The following HSCB variants were observed in gnomAD, a reference collection of about 807,000 sequenced individuals.
HSCB encodes HscB mitochondrial iron-sulfur cluster cochaperone.
In HSCB, 23 loss-of-function variants were observed where a neutral mutation model predicts 31.3. The observed-to-expected ratio is 0.74, with a 90% CI of 0.53 to 1.04. The LOEUF (loss-of-function observed/expected upper bound fraction) is 1.04. HSCB is among the 50% of genes least tolerant of loss of function. The pLI is 0.00. For missense variants in HSCB, 297 were observed against 288.1 expected, an observed-to-expected ratio of 1.03 and a Z score of -0.22; for synonymous variants, 110 against 104.5, an observed-to-expected ratio of 1.05 and a Z score of -0.32.
chr22:28,751,097 G>A, intron 4 of HSCB, 144 bp from the exon 5 acceptor site: 1 of 591,950 alleles, frequency 1.7e-6, no homozygotes, highest in Non-Finnish European at 3.0e-6. Flanking sequence ...TACACACAGA[G>A]ACAAAGGTTA....
intron 4 of HSCB, among the ~76,000 whole-genome samples, chr22:28,748,923 T>G (rs1335792307): frequency 6.6e-6 from 1 of 152,140 alleles, no homozygotes; most frequent in Admixed American, 6.6e-5. Context: ...AAGGATCACT[T>G]GAGCCCAGGA....
chr22:28,745,130 A>G (rs2054662592), intron 3 of HSCB: 1 of 156,860 alleles, frequency 6.4e-6, no homozygotes, highest in Non-Finnish European at 1.4e-5. Flanking sequence ...CTCTGTGAAT[A>G]TTACTTGCCT....
rs763970579 is a variant in HSCB, at chr22:28,742,216, T to A, written c.121T>A (p.Cys41Ser). The A allele has an allele frequency of 6.2e-7, 1 of 1,613,846 alleles. No homozygotes were observed. Among genetic ancestry groups the A allele is most frequent in the African/African-American group, 1.3e-5 (1 of 74,928 alleles). Reference protein sequence around the residue: ...ASQAGSNYPRCWNCGGPWGPG... With the variant: ...ASQAGSNYPRSWNCGGPWGPG... ...GCAGGCGGGAAGCAATTATCCCCGCTGTTGGAACTGCGGCGGCCCATGGGG... is the reference window on the plus strand; with the variant it reads ...GCAGGCGGGAAGCAATTATCCCCGCAGTTGGAACTGCGGCGGCCCATGGGG... The change falls in exon 1 of 6, where the codon TGT becomes AGT. Residue 41 changes from cysteine (C) to serine (S), a missense_variant. By Grantham distance (112) the Cys-to-Ser change is moderately radical (BLOSUM62 -1). Coordinates refer to ENST00000216027, the MANE Select transcript of HSCB (RefSeq NM_172002.5).
At chr22:28,748,748 C>T (rs920498830) in intron 4 of HSCB, among the ~76,000 whole-genome samples, 6 of 152,042 alleles carry the variant, frequency 3.9e-5, no homozygotes, top group African/African-American at 1.4e-4. Flanking sequence ...AACTCCTGAC[C>T]TCAGGTGATC....
At chr22:28,750,341 A>G (rs1423086238) in intron 4 of HSCB, among the ~76,000 whole-genome samples, 3 of 151,742 alleles carry the variant, frequency 2.0e-5, no homozygotes, top group Non-Finnish European at 4.4e-5. Flanking sequence ...ATTTAGATTA[A>G]TTCCTAAATT....
chr22:28,755,214 T>C (rs912826596), intron 5 of HSCB, among the ~76,000 whole-genome samples: 8 of 150,698 alleles, frequency 5.3e-5, no homozygotes, highest in African/African-American at 1.7e-4. Flanking sequence ...ATGGAGACCA[T>C]CCTGGCTAAC....
At chr22:28,754,185 T>C (rs1400977249) in intron 5 of HSCB, among the ~76,000 whole-genome samples, 1 of 152,092 alleles carries the variant, frequency 6.6e-6, no homozygotes, top group African/African-American at 2.4e-5. Flanking sequence ...GGATGAACCT[T>C]GAGGACATTG....
chr22:28,744,024 C>T (rs2054641633), intron 2 of HSCB, 46 bp downstream of exon 2: 1 of 1,359,360 alleles, frequency 7.4e-7, no homozygotes, highest in African/African-American at 1.4e-5. Flanking sequence ...TGTGTGCACA[C>T]TGGGTGGCAG....
chr22:28,751,008 TC>T (rs1408845959), intron 4 of HSCB, among the ~76,000 whole-genome samples: 2 of 146,832 alleles, frequency 1.4e-5, no homozygotes, highest in Non-Finnish European at 1.5e-5. Flanking sequence ...TGGTGATTGC[TC>T]CTTAGACCTT....
In HSCB at chr22:28,757,170, T is replaced by C. The variant is rs754025006; in HGVS notation, c.*1T>C. The C allele has an allele frequency of 8.5e-6, 12 of 1,413,098 alleles. No homozygotes were observed. Among genetic ancestry groups the C allele is most frequent in the Middle Eastern group, 2.1e-4 (1 of 4,722 alleles). The allele number at this position is 1,413,098 out of a possible 1,614,324, so 87.5% of individuals were successfully genotyped here. ...CAAGTTAAAGAAGATTCCCCTTTAA[T>C]TGTGGATAGTTTAAAGTTTAAAAAA... On this transcript the variant is annotated 3_prime_UTR_variant, in exon 6 of 6. Transcript: ENST00000216027.
chr22:28,742,178 G>A lies in HSCB; in HGVS notation c.83G>A (p.Cys28Tyr), dbSNP rs772493148. 1.2e-5 allele frequency: 20 copies of A among 1,613,836 alleles called. No individual in the cohort carries two copies. In the East Asian group the frequency reaches 3.8e-4, roughly 31 times the overall value. Residue 28 changes from cysteine to tyrosine, a missense_variant, in exon 1 of 6, where the codon TGC becomes TAC. Cys to Tyr is a radical substitution (Grantham distance 194). Transcript: ENST00000216027. ...TGVPRRRPLS[C>Y]DAASQAGSNY... ...GTTCCCAGAAGGAGACCGCTAAGCTGCGATGCTGCGTCGCAGGCGGGAAGC... is the reference window on the plus strand; with the variant it reads ...GTTCCCAGAAGGAGACCGCTAAGCTACGATGCTGCGTCGCAGGCGGGAAGC...
chr22:28,742,474 A>G, intron 1 of HSCB, 143 bp downstream of exon 1: 3 of 1,373,392 alleles, frequency 2.2e-6, no homozygotes, highest in Non-Finnish European at 1.9e-6. Context: ...GCGTGAGAGA[A>G]GTGTCTTGAT....
Position 28,757,337 on chromosome 22 carries a change from T to G in HSCB, c.*168T>G. 1 of 448,158 alleles carries G rather than the reference T, an allele frequency of 2.2e-6. No homozygotes were observed. The highest frequency in any genetic ancestry group is 4.2e-6 in the Non-Finnish European group (1 of 235,530). 27.8% of individuals were successfully genotyped at this position (448,158 alleles called of 1,614,324 possible). ...CCGTCTCTGCTGAAAATACAAAAAT[T>G]AGCCGGGCATGGTGGCGCGTGCCTG... On this transcript the variant is annotated 3_prime_UTR_variant, in exon 6 of 6. Coordinates refer to ENST00000216027, the MANE Select transcript of HSCB (RefSeq NM_172002.5).
At chr22:28,753,676 A>T (rs1396234504) in intron 5 of HSCB, among the ~76,000 whole-genome samples, 1 of 150,878 alleles carries the variant, frequency 6.6e-6, no homozygotes, top group Non-Finnish European at 1.5e-5. Flanking sequence ...GTCTCTACTA[A>T]ATATACAAAA....
At chr22:28,744,482 G>A (rs991166612) in intron 2 of HSCB, 133 bp from the exon 3 acceptor site, 255 of 644,576 alleles carry the variant, frequency 4.0e-4, no homozygotes, top group East Asian at 5.4e-5. Context: ...AACGTGGGAG[G>A]TGGAGGTTGC....
intron 4 of HSCB, among the ~76,000 whole-genome samples, chr22:28,746,584 C>T (rs1388413614): frequency 6.6e-6 from 1 of 151,388 alleles, no homozygotes; most frequent in African/African-American, 2.4e-5. Flanking sequence ...GAAACCCCAT[C>T]TCTAAAAAAA....
chr22:28,751,277 CT>C lies in HSCB; in HGVS notation c.609del (p.Phe203LeufsTer13), dbSNP rs1197505346. 1.3e-6 allele frequency: 2 copies of C among 1,595,700 alleles called. No individual in the cohort carries two copies. The highest frequency in any genetic ancestry group is 1.7e-5 in the Admixed American group (1 of 58,722). ...QKEFTDNVSS[A>X]FEQDDFEEAK... ...GAATTTACTGACAATGTGAGCAGTGCTTTTGAACAAGGTACTTTCTTTTCTT... is the reference window on the plus strand; with the variant it reads ...GAATTTACTGACAATGTGAGCAGTGCTTTGAACAAGGTACTTTCTTTTCTT... On this transcript the variant is annotated frameshift_variant, in exon 5 of 6. Transcript: ENST00000216027. LOFTEE classifies it high-confidence loss of function.
intron 4 of HSCB, 78 bp downstream of exon 4, chr22:28,746,086 A>G: frequency 6.9e-7 from 1 of 1,444,738 alleles, no homozygotes; most frequent in East Asian, 2.3e-5. Flanking sequence ...AAATGAACGT[A>G]GAGTATATAA....
intron 4 of HSCB, among the ~76,000 whole-genome samples, chr22:28,747,569 C>T (rs908974200): frequency 6.6e-6 from 1 of 152,162 alleles, no homozygotes; most frequent in Non-Finnish European, 1.5e-5. Context: ...TCCCAAAGTG[C>T]TGGGATTACA....
Sources: allele counts gnomAD v4.1 joint callset (sites outside exome capture counted in the v4.1 genomes callset), GRCh38; gene constraint gnomAD v4.1.1; transcripts MANE v1.5; gene names NCBI Gene and HGNC (gene_info 2026-07-23, HGNC 2026-07-21).